LIPC: variants seen among roughly 807,000 people sequenced by gnomAD.
The protein encoded by LIPC is hepatic triacylglycerol lipase.
A neutral mutation model predicts 50.7 loss-of-function variants in LIPC; 44 were observed. That is an observed-to-expected ratio of 0.87 (90% CI 0.68 to 1.11). The LOEUF is 1.11. Among genes scored for constraint, LIPC ranks in the 50% most tolerant of loss-of-function variants. The probability of loss-of-function intolerance (pLI) is 0.00; values close to 1 mark genes in which losing one functional copy is unlikely to be tolerated. For missense variants in LIPC, 697 were observed against 648.2 expected (o/e 1.08, Z -0.82); for synonymous variants, 271 against 256.4 (o/e 1.06, Z -0.54).
intron 5 of LIPC, among the ~76,000 whole-genome samples, chr15:58,547,152 G>A (rs1893560322): frequency 6.6e-6 from 1 of 152,186 alleles, no homozygotes; most frequent in African/African-American, 2.4e-5. Flanking sequence ...CCAAATGTAG[G>A]TATTCAGCTT....
chr15:58,560,751 A>G, intron 6 of LIPC, 113 bp from the exon 7 acceptor site: 4 of 660,968 alleles, frequency 6.1e-6, no homozygotes, highest in Admixed American at 2.5e-5. Context: ...ACATATTAAT[A>G]TCTATCCAAA....
chr15:58,559,716 A>ACC (rs869075261), intron 6 of LIPC, among the ~76,000 whole-genome samples: 1 of 78,486 alleles, frequency 1.3e-5, no homozygotes, highest in Admixed American at 1.3e-4. Context: ...AAAAAAAAAA[A>ACC]AAAAAAAAAC....
chr15:58,463,753 A>T (rs577274454), intron 1 of LIPC, among the ~76,000 whole-genome samples: 8 of 152,138 alleles, frequency 5.3e-5, no homozygotes, highest in African/African-American at 1.9e-4. Context: ...CCACTTTTCC[A>T]TCACTCCCTT....
chr15:58,509,519 C>T (rs536954354), intron 1 of LIPC, among the ~76,000 whole-genome samples: 2 of 152,336 alleles, frequency 1.3e-5, no homozygotes, highest in Non-Finnish European at 2.9e-5. Flanking sequence ...TAAAAGACCA[C>T]GTGCTAACCT....
At chr15:58,559,715 A>AAAAAC (rs1894091072) in intron 6 of LIPC, among the ~76,000 whole-genome samples, 4 of 145,070 alleles carry the variant, frequency 2.8e-5, no homozygotes, top group Non-Finnish European at 6.0e-5. Context: ...AAAAAAAAAA[A>AAAAAC]AAAAAAAAAA....
intron 1 of LIPC, among the ~76,000 whole-genome samples, chr15:58,465,937 T>C (rs1354746862): frequency 2.0e-5 from 3 of 152,210 alleles, no homozygotes; most frequent in Admixed American, 6.5e-5. Context: ...TTAGATCTTT[T>C]GGTAGAGATC....
In LIPC at chr15:58,432,125, G is replaced by A. The variant is rs201219858; in HGVS notation, c.88+5G>A. ...TTGGACAAAGCCTGAAACCAGGTAA[G>A]AGCCTGACTTTTCTCCAGAGATGGG... On this transcript the variant is annotated splice_donor_5th_base_variant and intron_variant, in intron 1 of 8. Coordinates refer to ENST00000299022, the MANE Select transcript of LIPC (RefSeq NM_000236.3). 1.2e-6 allele frequency: 2 copies of A among 1,604,186 alleles called. No individual in the cohort carries two copies. The highest frequency in any genetic ancestry group is 3.3e-5 in the Admixed American group (2 of 60,022).
At chr15:58,517,493 C>A (rs1473107830) in intron 1 of LIPC, among the ~76,000 whole-genome samples, 1 of 152,244 alleles carries the variant, frequency 6.6e-6, no homozygotes, top group African/African-American at 2.4e-5. Context: ...CTTCAGAGGT[C>A]TCACAAGCAT....
chr15:58,445,191 C>T (rs908816600), intron 1 of LIPC, among the ~76,000 whole-genome samples: 4 of 152,204 alleles, frequency 2.6e-5, no homozygotes, highest in Admixed American at 1.3e-4. Context: ...AAGCAATAAC[C>T]GGCAGGAGAC....
At position 58,484,518 on chromosome 15, in the gene LIPC, C is replaced by T. The variant is rs552656553; in HGVS notation, c.88+52398C>T. Among the ~76,000 whole-genome samples, 3 of 152,352 alleles carry T rather than the reference C, an allele frequency of 2.0e-5. No homozygotes were observed. The South Asian group carries it at 6.2e-4, about 32-fold the overall frequency. On this transcript the variant is annotated intron_variant, in intron 1 of 8. Transcript: ENST00000299022. ...AGGCATCATGCTAATAAGGGCTTTA[C>T]CAATATTAATTCATTTAATCCTCAC...
At chr15:58,477,419 G>A (rs1017248549) in intron 1 of LIPC, among the ~76,000 whole-genome samples, 1 of 152,182 alleles carries the variant, frequency 6.6e-6, no homozygotes, top group Admixed American at 6.5e-5. Flanking sequence ...AGGCTGTTAG[G>A]GACAGAAATG....
intron 1 of LIPC, among the ~76,000 whole-genome samples, chr15:58,525,717 T>C (rs1338089897): frequency 4.6e-5 from 7 of 152,212 alleles, no homozygotes; most frequent in Non-Finnish European, 1.0e-4. Flanking sequence ...ACTGATCTTC[T>C]GGTCCATCCA....
chr15:58,459,700 CA>C (rs1353061524), intron 1 of LIPC, among the ~76,000 whole-genome samples: 2 of 152,270 alleles, frequency 1.3e-5, no homozygotes, highest in Non-Finnish European at 2.9e-5. Flanking sequence ...TCGTGCTCTG[CA>C]CCGTGTTCTG....
intron 2 of LIPC, among the ~76,000 whole-genome samples, chr15:58,540,435 G>T (rs1315954454): frequency 6.6e-6 from 1 of 152,120 alleles, no homozygotes; most frequent in Non-Finnish European, 1.5e-5. Context: ...CATTTTCCAG[G>T]TGAGAAAACT....
chr15:58,531,024 G>A (rs1410064397), intron 1 of LIPC, among the ~76,000 whole-genome samples: 2 of 152,208 alleles, frequency 1.3e-5, no homozygotes, highest in African/African-American at 4.8e-5. Flanking sequence ...AACGCTTGAA[G>A]TTTACTGGGT....
chr15:58,535,433 G>A (rs1375019077), intron 1 of LIPC, among the ~76,000 whole-genome samples: 1 of 152,248 alleles, frequency 6.6e-6, no homozygotes, highest in Non-Finnish European at 1.5e-5. Flanking sequence ...CGGGAAGGGA[G>A]AAAAGAGAGG....
At chr15:58,492,360 A>C (rs527811879) in intron 1 of LIPC, among the ~76,000 whole-genome samples, 2 of 152,314 alleles carry the variant, frequency 1.3e-5, no homozygotes, top group African/African-American at 4.8e-5. Context: ...TATTATTGTA[A>C]TGTTACTATA....
chr15:58,448,186 G>A (rs910611453), intron 1 of LIPC, among the ~76,000 whole-genome samples: 7 of 152,186 alleles, frequency 4.6e-5, no homozygotes, highest in East Asian at 1.9e-4. Context: ...ATGGCTGTGT[G>A]ACTTTGGATA....
At chr15:58,457,892 G>C (rs1407293448) in intron 1 of LIPC, among the ~76,000 whole-genome samples, 1 of 152,134 alleles carries the variant, frequency 6.6e-6, no homozygotes, top group African/African-American at 2.4e-5. Context: ...CCTGATGCTG[G>C]CTCTGCAGGC....
Sources: allele counts gnomAD v4.1 joint callset (sites outside exome capture counted in the v4.1 genomes callset), GRCh38; gene constraint gnomAD v4.1.1; transcripts MANE v1.5; gene names NCBI Gene and HGNC (gene_info 2026-07-23, HGNC 2026-07-21).